ADAM12: variants seen among roughly 807,000 people sequenced by gnomAD.
ADAM12 encodes disintegrin and metalloproteinase domain-containing protein 12.
In ADAM12, 70 loss-of-function variants were observed where a neutral mutation model predicts 106.4. The ratio of observed to expected loss-of-function variants is 0.66; its 90% confidence interval spans 0.54 to 0.80. The LOEUF is 0.80. Among genes scored for constraint, ADAM12 ranks in the 30% least tolerant of loss-of-function variants. ADAM12 has a pLI of 0.00. For synonymous variants in ADAM12, 420 were observed against 433.5 expected, an observed-to-expected ratio of 0.97 and a Z score of 0.39; for missense variants, 1,010 against 1,171.9, an observed-to-expected ratio of 0.86 and a Z score of 2.02.
chr10:126,277,365 A>G (rs1294241488), intron 3 of ADAM12, among the ~76,000 whole-genome samples: 1 of 152,126 alleles, frequency 6.6e-6, no homozygotes. Flanking sequence ...CATGCTGTGC[A>G]CCACGTTTCT....
intron 17 of ADAM12, among the ~76,000 whole-genome samples, chr10:126,045,347 T>C (rs1014372858): frequency 5.3e-5 from 8 of 152,158 alleles, no homozygotes; most frequent in Non-Finnish European, 7.4e-5. Flanking sequence ...TCCAGCATGA[T>C]GGTAATTTAC....
intron 1 of ADAM12, among the ~76,000 whole-genome samples, chr10:126,358,365 C>T (rs1302265825): frequency 6.6e-6 from 1 of 152,098 alleles, no homozygotes; most frequent in South Asian, 2.1e-4. Context: ...AAATGTGATA[C>T]ATCACATTAA....
At chr10:126,321,297 TATG>T (rs1413317619) in intron 2 of ADAM12, among the ~76,000 whole-genome samples, 1 of 152,216 alleles carries the variant, frequency 6.6e-6, no homozygotes, top group African/African-American at 2.4e-5. Flanking sequence ...TATTTTAAAA[TATG>T]ATTTTTTTTT....
chr10:126,188,332 T>C (rs1034945867), intron 3 of ADAM12, among the ~76,000 whole-genome samples: 2 of 152,234 alleles, frequency 1.3e-5, no homozygotes, highest in Admixed American at 1.3e-4. Flanking sequence ...TCTAATTCTT[T>C]GGCCACATCA....
chr10:126,153,377 T>C (rs1486269058), intron 4 of ADAM12, among the ~76,000 whole-genome samples: 13 of 152,218 alleles, frequency 8.5e-5, no homozygotes, highest in Admixed American at 8.5e-4. Context: ...TCCTGGAGTA[T>C]GTTTAGTTTA....
chr10:126,278,822 T>C (rs1959407453), intron 3 of ADAM12, 93 bp downstream of exon 3: 4 of 950,710 alleles, frequency 4.2e-6, no homozygotes, highest in Non-Finnish European at 6.2e-6. Flanking sequence ...ATTTCGTTCT[T>C]TGTTTCTAAA....
At chr10:126,381,031 T>A (rs1856471885) in intron 1 of ADAM12, among the ~76,000 whole-genome samples, 1 of 152,248 alleles carries the variant, frequency 6.6e-6, no homozygotes. Flanking sequence ...CTTTAAATGA[T>A]GTAGCTACAT....
chr10:126,366,820 C>T (rs1247685954), intron 1 of ADAM12, among the ~76,000 whole-genome samples: 1 of 152,122 alleles, frequency 6.6e-6, no homozygotes, highest in African/African-American at 2.4e-5. Context: ...ACAGAAATTA[C>T]TACCAGAGAT....
rs537215278 is a variant in ADAM12 at position 126,101,059 on chromosome 10, C to T, written c.911+13G>A. 43 of 1,612,424 alleles carry T rather than the reference C, an allele frequency of 2.7e-5. 1 individual carries two copies. Among genetic ancestry groups the T allele is most frequent in the Admixed American group, 2.5e-4 (15 of 59,910 alleles). The stretch of plus-strand genomic sequence containing the variant: ...TCCTTTTTTTTTTAAGCAGACAAGA[C>T]GTAACTCCCTACCTGACAAGCTGCG... On this transcript the variant is annotated intron_variant, in intron 9 of 22. Coordinates refer to ENST00000448723, the MANE Select transcript of ADAM12 (RefSeq NM_001288973.2).
chr10:126,232,053 G>A (rs1193620194), intron 3 of ADAM12, among the ~76,000 whole-genome samples: 1 of 152,126 alleles, frequency 6.6e-6, no homozygotes, highest in Non-Finnish European at 1.5e-5. Flanking sequence ...ATTGTTTCCT[G>A]TAATGGGCTG....
intron 1 of ADAM12, among the ~76,000 whole-genome samples, chr10:126,375,937 C>T (rs999358376): frequency 4.0e-5 from 6 of 150,900 alleles, no homozygotes; most frequent in African/African-American, 1.5e-4. Context: ...AATGGGGTGT[C>T]CTTATGTTGC....
At chr10:126,190,607 T>C (rs1163246913) in intron 3 of ADAM12, among the ~76,000 whole-genome samples, 1 of 152,076 alleles carries the variant, frequency 6.6e-6, no homozygotes, top group African/African-American at 2.4e-5. Context: ...AGGTTCAAAG[T>C]CTGGTGGGAA....
intron 1 of ADAM12, among the ~76,000 whole-genome samples, chr10:126,382,303 A>C (rs1439693556): frequency 6.6e-6 from 1 of 152,240 alleles, no homozygotes; most frequent in Non-Finnish European, 1.5e-5. Context: ...TACTCCGACC[A>C]ACATGGGAGG....
intron 3 of ADAM12, among the ~76,000 whole-genome samples, chr10:126,236,522 T>A (rs1014761900): frequency 6.6e-6 from 1 of 152,156 alleles, no homozygotes; most frequent in Admixed American, 6.5e-5. Flanking sequence ...CAGAGGTGGA[T>A]ACTGCATGGG....
intron 1 of ADAM12, among the ~76,000 whole-genome samples, chr10:126,363,296 T>C (rs902618621): frequency 6.6e-6 from 1 of 152,208 alleles, no homozygotes; most frequent in Admixed American, 6.5e-5. Flanking sequence ...CATAAAGATA[T>C]TGGGGCCAGA....
chr10:126,232,964 C>T (rs191133520), intron 3 of ADAM12, among the ~76,000 whole-genome samples: 163 of 152,044 alleles, frequency 1.1e-3, no homozygotes, highest in Non-Finnish European at 1.7e-3. Context: ...TAGGGAGAGT[C>T]GGTGGGGAAA....
intron 11 of ADAM12, among the ~76,000 whole-genome samples, chr10:126,081,293 G>A (rs12571387): frequency 0.17 from 25,157 of 152,020 alleles, 2,658 homozygotes; most frequent in South Asian, 0.27. Context: ...GCTTGGAGCC[G>A]ACATAACTGT....
At chr10:126,133,694 CTGG>C (rs977541524) in intron 5 of ADAM12, among the ~76,000 whole-genome samples, 1 of 152,182 alleles carries the variant, frequency 6.6e-6, no homozygotes, top group African/African-American at 2.4e-5. Context: ...TTCGTGACCC[CTGG>C]TGATCCTACC....
intron 6 of ADAM12, 49 bp from the exon 7 acceptor site, chr10:126,109,889 T>C: frequency 6.4e-7 from 1 of 1,563,048 alleles, no homozygotes. Context: ...CTCTCTGGCA[T>C]TAAGACTGTC....
Sources: allele counts gnomAD v4.1 joint callset (sites outside exome capture counted in the v4.1 genomes callset), GRCh38; gene constraint gnomAD v4.1.1; transcripts MANE v1.5; gene names NCBI Gene and HGNC (gene_info 2026-07-23, HGNC 2026-07-21).